GRIK4: variants seen among roughly 807,000 people sequenced by gnomAD.
GRIK4 encodes the protein glutamate receptor ionotropic, kainate 4.
A neutral mutation model predicts 104.9 loss-of-function variants in GRIK4; 40 were observed. That is an observed-to-expected ratio of 0.38 (90% confidence interval 0.30 to 0.50). The LOEUF is 0.50. GRIK4 is among the 20% of genes least tolerant of loss of function. The pLI is 0.93. For missense variants in GRIK4, 1,047 were observed against 1,308.1 expected, an observed-to-expected ratio of 0.80 and a Z score of 3.08; for synonymous variants, 485 against 524.9, an observed-to-expected ratio of 0.92 and a Z score of 1.04.
chr11:120,516,906 C>T (rs1316410590), intron 1 of GRIK4, among the ~76,000 whole-genome samples: 2 of 152,006 alleles, frequency 1.3e-5, no homozygotes, highest in Non-Finnish European at 2.9e-5. Context: ...TCGGGGCTCA[C>T]CCTGGGCGGC....
intron 1 of GRIK4, among the ~76,000 whole-genome samples, chr11:120,574,344 A>G (rs1948448529): frequency 6.6e-6 from 1 of 152,212 alleles, no homozygotes. Context: ...CATAACAATA[A>G]TAGCCAAAAT....
intron 7 of GRIK4, among the ~76,000 whole-genome samples, chr11:120,834,084 C>G (rs1469156363): frequency 6.6e-6 from 1 of 152,180 alleles, no homozygotes; most frequent in African/African-American, 2.4e-5. Context: ...ATTTCCCCAG[C>G]ATACATTTCT....
At chr11:120,926,829 A>G (rs1045045760) in intron 13 of GRIK4, among the ~76,000 whole-genome samples, 1 of 152,232 alleles carries the variant, frequency 6.6e-6, no homozygotes, top group Non-Finnish European at 1.5e-5. Context: ...TAGACAATCA[A>G]CAGGTAAACT....
Position 120,988,013 on chromosome 11 carries a change from G to A in GRIK4, c.*1753G>A, listed in dbSNP as rs1379972976. The A allele has an allele frequency of 6.6e-6, 1 of 152,370 alleles. No individual in the cohort carries two copies. The highest frequency in any genetic ancestry group is 2.4e-5 in the African/African-American group (1 of 41,434). 9.4% of individuals were successfully genotyped at this position (152,370 alleles called of 1,614,324 possible). On this transcript the variant is annotated 3_prime_UTR_variant, in exon 21 of 21. Transcript: ENST00000527524. ...AATGTACTAAAATAAAGACATCTTT[G>A]GAAGATGACGAGCTTAATTCATGTT...
At chr11:120,897,906 GGC>G (rs747172842) in intron 11 of GRIK4, among the ~76,000 whole-genome samples, 62 of 151,976 alleles carry the variant, frequency 4.1e-4, no homozygotes, top group South Asian at 2.1e-4. Context: ...AACACCCACT[GGC>G]ACATACATGA....
intron 7 of GRIK4, among the ~76,000 whole-genome samples, chr11:120,833,526 A>G (rs1319230968): frequency 2.6e-5 from 4 of 152,158 alleles, no homozygotes; most frequent in African/African-American, 9.6e-5. Flanking sequence ...AGCTCAGAAT[A>G]CACAGGTTCC....
intron 1 of GRIK4, among the ~76,000 whole-genome samples, chr11:120,547,330 A>C (rs1480604604): frequency 2.0e-5 from 3 of 152,184 alleles, no homozygotes; most frequent in South Asian, 2.1e-4. Flanking sequence ...GCATCTGTGG[A>C]TGTCTCGCCC....
intron 12 of GRIK4, among the ~76,000 whole-genome samples, chr11:120,900,722 G>A (rs575278794): frequency 9.2e-5 from 14 of 152,212 alleles, no homozygotes; most frequent in South Asian, 4.2e-4. Context: ...AGTAGTTGCC[G>A]GGGGAGGGGT....
At chr11:120,840,189 C>T (rs1310541034) in intron 8 of GRIK4, among the ~76,000 whole-genome samples, 1 of 152,146 alleles carries the variant, frequency 6.6e-6, no homozygotes, top group African/African-American at 2.4e-5. Flanking sequence ...GACACTTCTG[C>T]AGGAGGGGAG....
chr11:120,950,221 C>T (rs777434796), intron 14 of GRIK4, among the ~76,000 whole-genome samples: 1 of 152,210 alleles, frequency 6.6e-6, no homozygotes, highest in Non-Finnish European at 1.5e-5. Context: ...TGGCGTCAGT[C>T]AATCACAAGT....
At chr11:120,951,484 G>A (rs1170466225) in intron 14 of GRIK4, among the ~76,000 whole-genome samples, 1 of 152,204 alleles carries the variant, frequency 6.6e-6, no homozygotes, top group East Asian at 1.9e-4. Context: ...GACATGCCTT[G>A]ATAGTGACAG....
chr11:120,656,057 A>C (rs893606188), intron 2 of GRIK4, among the ~76,000 whole-genome samples: 3 of 152,222 alleles, frequency 2.0e-5, no homozygotes, highest in African/African-American at 7.2e-5. Flanking sequence ...TGGAAAGAGC[A>C]ACCTGGTGCT....
At chr11:120,820,317 A>G (rs1953082229) in intron 6 of GRIK4, among the ~76,000 whole-genome samples, 1 of 152,156 alleles carries the variant, frequency 6.6e-6, no homozygotes, top group Non-Finnish European at 1.5e-5. Flanking sequence ...GGAGATACAA[A>G]AAGAGAGAGA....
At chr11:120,660,491 C>A in intron 3 of GRIK4, 91 bp downstream of exon 3, 2 of 970,446 alleles carry the variant, frequency 2.1e-6, no homozygotes, top group East Asian at 2.5e-5. Context: ...CTTGGGGAAG[C>A]TGCCCAGCCC....
chr11:120,962,219 G>A (rs982180249), intron 17 of GRIK4, among the ~76,000 whole-genome samples: 2 of 152,270 alleles, frequency 1.3e-5, no homozygotes, highest in East Asian at 3.9e-4. Context: ...TTAGTGCGCT[G>A]TTGCTTCCTC....
chr11:120,847,902 TGGGC>T (rs1219328669), intron 8 of GRIK4, among the ~76,000 whole-genome samples: 3 of 152,200 alleles, frequency 2.0e-5, no homozygotes, highest in African/African-American at 7.2e-5. Context: ...TTCCAGGGAA[TGGGC>T]CCTACTGGCC....
At chr11:120,872,227 T>G (rs1954628445) in intron 9 of GRIK4, 1 of 309,284 alleles carries the variant, frequency 3.2e-6, no homozygotes, top group Non-Finnish European at 6.3e-6. Context: ...ACAGAAATTG[T>G]TGCTCACTTG....
chr11:120,714,924 G>A (rs1950800674), intron 3 of GRIK4, among the ~76,000 whole-genome samples: 1 of 152,148 alleles, frequency 6.6e-6, no homozygotes, highest in African/African-American at 2.4e-5. Context: ...CAGGCAAGGA[G>A]GGACATGATC....
intron 1 of GRIK4, among the ~76,000 whole-genome samples, chr11:120,610,480 G>A (rs940470102): frequency 3.3e-5 from 5 of 152,154 alleles, no homozygotes; most frequent in African/African-American, 4.8e-5. Flanking sequence ...GTGGCCGCAG[G>A]GATGGTGTCT....
Sources: gnomAD v4.1 joint callset for allele counts (sites outside exome capture counted in the v4.1 genomes callset) on GRCh38, gnomAD v4.1.1 for gene constraint, MANE v1.5 for transcripts, NCBI Gene and HGNC (gene_info 2026-07-23, HGNC 2026-07-21) for gene names.